The following DTHD1 variants were observed in gnomAD, a reference collection of about 807,000 sequenced individuals.
DTHD1 encodes the protein death domain containing 1.
DTHD1 carries 59 observed loss-of-function variants against 74.8 expected under a neutral mutation model. The ratio of observed to expected loss-of-function variants is 0.79; its 90% CI spans 0.64 to 0.98. The LOEUF (loss-of-function observed/expected upper bound fraction) is 0.98. Among genes scored for constraint, DTHD1 ranks in the 50% least tolerant of loss-of-function variants. The probability of loss-of-function intolerance (pLI) is 0.00; values close to 1 mark genes in which losing one functional copy is unlikely to be tolerated. For missense variants in DTHD1, 1,051 were observed against 1,065.4 expected (o/e 0.99, Z 0.19); for synonymous variants, 365 against 371.1 (o/e 0.98, Z 0.19).
At chr4:36,340,045 T>A (rs1759231643) in intron 9 of DTHD1, among the ~76,000 whole-genome samples, 1 of 152,210 alleles carries the variant, frequency 6.6e-6, no homozygotes, top group African/African-American at 2.4e-5. Flanking sequence ...TAACAGTCAC[T>A]GGAGAATACA....
rs1158834963 is a variant in DTHD1, at chr4:36,343,560, T to C, written c.2457T>C (p.Ala819=). The change falls in exon 10 of 10, where the codon GCT becomes GCC. Residue 819 remains alanine, a synonymous_variant. Coordinates refer to ENST00000639862, the MANE Select transcript of DTHD1 (RefSeq NM_001170700.3). The part of the protein sequence containing the change: ...WLAEELSEEN[A]ESLSSTLPLR... ...CTGAGGAGCTCTCAGAAGAAAATGC[T>C]GAGTCTCTTTCCTCAACTCTCCCTC... is the stretch of plus-strand genomic sequence containing the variant. 5.8e-6 allele frequency: 9 copies of C among 1,551,514 alleles called. No homozygotes were observed. In the Admixed American group the frequency reaches 7.8e-5, roughly 14 times the overall value.
intron 8 of DTHD1, among the ~76,000 whole-genome samples, chr4:36,322,724 A>C (rs1023406017): frequency 2.6e-5 from 4 of 152,208 alleles, no homozygotes; most frequent in African/African-American, 9.7e-5. Flanking sequence ...CAAACAATAT[A>C]TTTGAAAATA....
At chr4:36,283,948 C>A in intron 1 of DTHD1, 28 bp from the exon 2 acceptor site, 1 of 1,427,846 alleles carries the variant, frequency 7.0e-7, no homozygotes, top group Non-Finnish European at 9.4e-7. Context: ...TGTATTTATT[C>A]TTTGTGTGTC....
intron 8 of DTHD1, chr4:36,332,776 A>G (rs1042448234): frequency 2.0e-5 from 3 of 152,176 alleles, no homozygotes; most frequent in African/African-American, 7.2e-5. Flanking sequence ...CACAGAGGAA[A>G]ACAGTAAGAG....
At chr4:36,306,056 C>T in intron 5 of DTHD1, 135 bp from the exon 6 acceptor site, 1 of 877,532 alleles carries the variant, frequency 1.1e-6, no homozygotes, top group East Asian at 2.7e-5. Flanking sequence ...GTTCCTGGTG[C>T]AAAGCATAAT....
intron 5 of DTHD1, among the ~76,000 whole-genome samples, chr4:36,298,699 T>C (rs1205463510): frequency 6.6e-6 from 1 of 152,222 alleles, no homozygotes; most frequent in Non-Finnish European, 1.5e-5. Context: ...TATGTCTGAA[T>C]GATTTCTAGT....
At position 36,308,355 on chromosome 4, in the gene DTHD1, C is replaced by T; in HGVS notation, c.1957C>T (p.Pro653Ser). ...NPHRIAVLVVPSKDLSQVLKD... is the reference protein window; with the variant it reads ...NPHRIAVLVVSSKDLSQVLKD... ...ACATAGAATAGCTGTTTTAGTGGTG[C>T]CTTCCAAAGATTTAAGCCAGGTGCT... Residue 653 changes from proline (P) to serine (S), a missense_variant, in exon 7 of 10, where the codon CCT (proline) becomes TCT (serine). By Grantham distance (74) the Pro-to-Ser change is moderately conservative. Transcript: ENST00000639862. The T allele has an allele frequency of 2.6e-6, 4 of 1,551,814 alleles. No individual in the cohort carries two copies. The highest frequency in any genetic ancestry group is 2.6e-6 in the Non-Finnish European group (3 of 1,147,026).
intron 8 of DTHD1, among the ~76,000 whole-genome samples, chr4:36,329,149 C>T (rs1003911310): frequency 5.1e-4 from 77 of 152,302 alleles, no homozygotes; most frequent in African/African-American, 1.9e-3. Context: ...CTATGTCATA[C>T]CGCCTGTCAT....
At chr4:36,305,896 C>A (rs1296103444) in intron 5 of DTHD1, among the ~76,000 whole-genome samples, 1 of 152,232 alleles carries the variant, frequency 6.6e-6, no homozygotes, top group Non-Finnish European at 1.5e-5. Flanking sequence ...AGCATTTTCA[C>A]TTTGCAAGCT....
intron 8 of DTHD1, among the ~76,000 whole-genome samples, chr4:36,325,022 C>T (rs1286088054): frequency 6.6e-6 from 1 of 152,104 alleles, no homozygotes; most frequent in Non-Finnish European, 1.5e-5. Context: ...AGTGGTCAAG[C>T]ACAAGACGTG....
At chr4:36,332,377 C>A (rs925107687) in intron 8 of DTHD1, among the ~76,000 whole-genome samples, 2 of 152,056 alleles carry the variant, frequency 1.3e-5, no homozygotes, top group Non-Finnish European at 2.9e-5. Flanking sequence ...CTAACTTTCA[C>A]CTTAGGTTTT....
chr4:36,343,035 G>A (rs1560824305), intron 9 of DTHD1, among the ~76,000 whole-genome samples: 1 of 151,808 alleles, frequency 6.6e-6, no homozygotes, highest in Non-Finnish European at 1.5e-5. Context: ...AGGTTGCAGT[G>A]AGCCCAGCTC....
Position 36,347,071 on chromosome 4 carries a change from G to T in DTHD1, c.*3247G>T, listed in dbSNP as rs112748315. 6.3e-3 allele frequency among the ~76,000 whole-genome samples: 957 copies of T among 152,100 alleles called. 9 individuals carry two copies. The highest frequency in any genetic ancestry group is 0.021 in the African/African-American group (892 of 41,492). On this transcript the variant is annotated 3_prime_UTR_variant, in exon 10 of 10. Transcript: ENST00000639862. Reference sequence around the variant, plus strand: ...ACACCTTTCTTATGCTCCTAGCAACGTATACATGTATTTTATTTCCCAGAA... The same window carrying T: ...ACACCTTTCTTATGCTCCTAGCAACTTATACATGTATTTTATTTCCCAGAA...
rs1410965995 is a variant in DTHD1, at chr4:36,306,201, G to T, written c.1654G>T (p.Ala552Ser). 3 of 1,551,564 alleles carry T rather than the reference G, an allele frequency of 1.9e-6. No individual in the cohort carries two copies. The Admixed American group carries it at 5.9e-5, about 30-fold the overall frequency. ...TPSYFNRTKIASIRKPRKNAS... is the reference protein window; with the variant it reads ...TPSYFNRTKISSIRKPRKNAS... Reference sequence around the variant, plus strand: ...GTTACCATTATATAGGACAAAAATTGCCTCCATAAGAAAACCTAGGAAAAA... The same window carrying T: ...GTTACCATTATATAGGACAAAAATTTCCTCCATAAGAAAACCTAGGAAAAA... The change falls in exon 6 of 10, where the codon GCC becomes TCC. Residue 552 changes from alanine (A) to serine (S), a missense_variant. Ala to Ser is a moderately conservative substitution (Grantham distance 99, BLOSUM62 1). Transcript: ENST00000639862.
chr4:36,286,811 G>T (rs1755741919), intron 2 of DTHD1, among the ~76,000 whole-genome samples: 1 of 152,272 alleles, frequency 6.6e-6, no homozygotes, highest in Non-Finnish European at 1.5e-5. Flanking sequence ...ACAATGCTAA[G>T]TATTTGTGTA....
intron 5 of DTHD1, among the ~76,000 whole-genome samples, chr4:36,301,389 G>A (rs1324604008): frequency 6.6e-6 from 1 of 152,040 alleles, no homozygotes; most frequent in Non-Finnish European, 1.5e-5. Flanking sequence ...GTAATTTTGG[G>A]AGTAGCTCAT....
Position 36,306,274 on chromosome 4 carries a change from G to A in DTHD1, c.1727G>A (p.Gly576Asp). ...CTGGGATTCAGAAGCCAAGACAGTGGTTGGTGTGGGCTTGATGATGTTGTG... is the reference window on the plus strand; with the variant it reads ...CTGGGATTCAGAAGCCAAGACAGTGATTGGTGTGGGCTTGATGATGTTGTG... ...KLLGFRSQDS[G>D]WCGLDDVVKT... is the part of the protein sequence containing the mutation. The change falls in exon 6 of 10, where the codon GGT becomes GAT. Residue 576 changes from glycine to aspartate, a missense_variant. By Grantham distance (94) the Gly-to-Asp change is moderately conservative. Coordinates refer to ENST00000639862, the MANE Select transcript of DTHD1 (RefSeq NM_001170700.3). 1 of 1,551,798 alleles carries A rather than the reference G, an allele frequency of 6.4e-7. No homozygotes were observed. Among genetic ancestry groups the A allele is most frequent in the Non-Finnish European group, 8.7e-7 (1 of 1,147,000 alleles).
chr4:36,335,281 T>C (rs12648310), intron 8 of DTHD1, among the ~76,000 whole-genome samples: 2 of 152,128 alleles, frequency 1.3e-5, no homozygotes, highest in Non-Finnish European at 2.9e-5. Context: ...TGGAGTGCAG[T>C]GGCATGATTT....
chr4:36,342,516 A>C (rs1390583565), intron 9 of DTHD1, among the ~76,000 whole-genome samples: 1 of 152,090 alleles, frequency 6.6e-6, no homozygotes, highest in Admixed American at 6.6e-5. Context: ...AGAGTTATGG[A>C]TCTAAGTTAC....
Sources: allele counts gnomAD v4.1 joint callset (sites outside exome capture counted in the v4.1 genomes callset), GRCh38; gene constraint gnomAD v4.1.1; transcripts MANE v1.5; gene names NCBI Gene and HGNC (gene_info 2026-07-23, HGNC 2026-07-21).